The following SLITRK1 variants were observed in gnomAD, a reference collection of about 807,000 sequenced individuals.
SLITRK1 encodes the protein SLIT and NTRK like family member 1.
Under a neutral mutation model 42.4 loss-of-function variants are expected in SLITRK1, and 10 were observed. The ratio of observed to expected loss-of-function variants is 0.24; its 90% CI spans 0.15 to 0.40. SLITRK1 has a LOEUF of 0.40. Ranked by LOEUF, SLITRK1 falls within the 10% of genes least tolerant of loss-of-function variation. The pLI, the probability that SLITRK1 is intolerant of heterozygous loss-of-function variation, is 1.00. For missense variants in SLITRK1, 778 were observed against 848.8 expected (o/e 0.92, Z 1.04); for synonymous variants, 389 against 365.7 (o/e 1.06, Z -0.73).
In SLITRK1 at chr13:83,881,257, G is replaced by A. The variant is rs1442487048; in HGVS notation, c.251C>T (p.Ala84Val). 6.2e-7 allele frequency: 1 copy of A among 1,614,052 alleles called. No individual in the cohort carries two copies. Among genetic ancestry groups the A allele is most frequent in the Non-Finnish European group, 8.5e-7 (1 of 1,180,022 alleles). The change falls in exon 2 of 2, where the codon GCG (alanine) becomes GTG (valine). Residue 84 changes from alanine to valine, a missense_variant. Ala to Val is a moderately conservative substitution (Grantham distance 64). Transcript: ENST00000674365. ...FPNEFANFYN[A>V]VSLHMENNGL... Reference sequence around the variant, plus strand: ...ATTGTTTTCCATGTGCAAACTAACCGCATTATAAAAGTTAGCGAACTCATT... The same window carrying A: ...ATTGTTTTCCATGTGCAAACTAACCACATTATAAAAGTTAGCGAACTCATT...
In SLITRK1 at chr13:83,880,097, G is replaced by C. The variant is rs772193157; in HGVS notation, c.1411C>G (p.Pro471Ala). 1 of 1,613,992 alleles carries C rather than the reference G, an allele frequency of 6.2e-7. No homozygotes were observed. Among genetic ancestry groups the C allele is most frequent in the Non-Finnish European group, 8.5e-7 (1 of 1,179,988 alleles). Reference protein sequence around the residue: ...LILPGTFNAMPKLRILILNNN... With the variant: ...LILPGTFNAMAKLRILILNNN... ...TTGAGAATGAGGATCCTCAGTTTGG[G>C]CATGGCATTGAAAGTGCCCGGGAGG... is the stretch of plus-strand genomic sequence containing the variant. Residue 471 changes from proline to alanine, a missense_variant, in exon 2 of 2, where the codon CCC (proline) becomes GCC (alanine). By Grantham distance (27) the Pro-to-Ala change is conservative. This residue lies in a region of SLITRK1 where 395 missense variants were observed against 360.4 expected (regional missense o/e 1.10). Transcript: ENST00000674365.
Position 83,880,799 on chromosome 13 carries a change from C to T in SLITRK1, c.709G>A (p.Gly237Ser), listed in dbSNP as rs1233205975. Reference protein sequence around the residue: ...LENIPKNALIGRVVCEAPTRL... With the variant: ...LENIPKNALISRVVCEAPTRL... ...GTGGGGGCTTCGCAGACCACTCGGCCGATCAGGGCATTCTTGGGAATGTTT... is the reference window on the plus strand; with the variant it reads ...GTGGGGGCTTCGCAGACCACTCGGCTGATCAGGGCATTCTTGGGAATGTTT... Residue 237 changes from glycine to serine, a missense_variant, in exon 2 of 2, where the codon GGC (glycine) becomes AGC (serine). Coordinates refer to ENST00000674365, the MANE Select transcript of SLITRK1 (RefSeq NM_001281503.2). 1 of 1,614,020 alleles carries T rather than the reference C, an allele frequency of 6.2e-7. No homozygotes were observed. The highest frequency in any genetic ancestry group is 1.7e-5 in the Admixed American group (1 of 60,004).
chr13:83,879,042 C>A lies in SLITRK1; in HGVS notation c.*375G>T, dbSNP rs1884748100. ...AGGGGAAAAATAGATATCTATCTCTCTATATAGATGTGGATATATGTATAT... is the reference window on the plus strand; with the variant it reads ...AGGGGAAAAATAGATATCTATCTCTATATATAGATGTGGATATATGTATAT... On this transcript the variant is annotated 3_prime_UTR_variant, in exon 2 of 2. Transcript: ENST00000674365. The A allele has an allele frequency of 7.9e-6, 2 of 252,206 alleles. No individual in the cohort carries two copies. The highest frequency in any genetic ancestry group is 2.2e-5 in the African/African-American group (1 of 44,974). The allele number at this position is 252,206 out of a possible 1,614,324, so 15.6% of individuals were successfully genotyped here.
chr13:83,879,731 T>C lies in SLITRK1; in HGVS notation c.1777A>G (p.Ser593Gly), dbSNP rs1368546312. 2.5e-6 allele frequency: 4 copies of C among 1,613,918 alleles called. No homozygotes were observed. Among genetic ancestry groups the C allele is most frequent in the East Asian group, 2.2e-5 (1 of 44,880 alleles). The change falls in exon 2 of 2, where the codon AGT becomes GGT. Residue 593 changes from serine to glycine, a missense_variant. Transcript: ENST00000674365. The stretch of plus-strand genomic sequence containing the variant: ...TCCGCCAACCCAGTGCTGTTTTTAC[T>C]GTGCGAAGTTAACGTGGGCGAGATC... ...ARISPTLTSHSKNSTGLAETG... is the reference protein window; with the variant it reads ...ARISPTLTSHGKNSTGLAETG...
At position 83,879,376 on chromosome 13, in the gene SLITRK1, G is replaced by A. The variant is rs774654878; in HGVS notation, c.*41C>T. Reference sequence around the variant, plus strand: ...CGGGGTGCCTGCGGTGGGGAAGGATGTATCGCCTTCCCTCTGCCCTCCCCT... The same window carrying A: ...CGGGGTGCCTGCGGTGGGGAAGGATATATCGCCTTCCCTCTGCCCTCCCCT... On this transcript the variant is annotated 3_prime_UTR_variant, in exon 2 of 2. Transcript: ENST00000674365. 2.5e-6 allele frequency: 4 copies of A among 1,606,390 alleles called. No individual in the cohort carries two copies. The highest frequency in any genetic ancestry group is 3.3e-5 in the Admixed American group (2 of 59,966).
In SLITRK1 at chr13:83,880,576, A is replaced by T; in HGVS notation, c.932T>A (p.Ile311Asn). 1 of 1,614,036 alleles carries T rather than the reference A, an allele frequency of 6.2e-7. No homozygotes were observed. The highest frequency in any genetic ancestry group is 2.2e-5 in the East Asian group (1 of 44,844). Reference sequence around the variant, plus strand: ...GATTTTGATCTGCCAGTTGCCTGGGATCTTTGTACCTCCGTTTGGAGCAGA... The same window carrying T: ...GATTTTGATCTGCCAGTTGCCTGGGTTCTTTGTACCTCCGTTTGGAGCAGA... ...PGSAPNGGTK[I>N]PGNWQIKIRP... is the part of the protein sequence containing the mutation. The change falls in exon 2 of 2, where the codon ATC becomes AAC. Residue 311 changes from isoleucine to asparagine, a missense_variant. Coordinates refer to ENST00000674365, the MANE Select transcript of SLITRK1 (RefSeq NM_001281503.2).
chr13:83,877,553 T>C lies in SLITRK1; in HGVS notation c.*1864A>G, dbSNP rs1009379471. The C allele has an allele frequency of 6.6e-6, 1 of 152,124 alleles. No homozygotes were observed. Among genetic ancestry groups the C allele is most frequent in the Non-Finnish European group, 1.5e-5 (1 of 68,022 alleles). The allele number at this position is 152,124 out of a possible 1,614,324, so 9.4% of individuals were successfully genotyped here. A position where few individuals can be genotyped will look rare whatever the true frequency, so the allele number is the denominator to read the frequency against. On this transcript the variant is annotated 3_prime_UTR_variant, in exon 2 of 2. Coordinates refer to ENST00000674365, the MANE Select transcript of SLITRK1 (RefSeq NM_001281503.2). ...ACATTGGTTCATAAAATTCGAACAG[T>C]TGAAGCTGTTTTTGTTAATTGCTGG...
rs774658734 is a variant in SLITRK1, at chr13:83,882,236, C to G, written c.-286G>C. ...TCCATCCTTTTCCTTTCCTCCCCTT[C>G]GGTCCTCTTAAGGCTTTTTTTTTTC... On this transcript the variant is annotated 5_prime_UTR_variant, in exon 1 of 2. Transcript: ENST00000674365. 1.2e-5 allele frequency: 2 copies of G among 166,818 alleles called. No individual in the cohort carries two copies. Among genetic ancestry groups the G allele is most frequent in the Non-Finnish European group, 2.9e-5 (2 of 68,094 alleles). 10.3% of individuals were successfully genotyped at this position (166,818 alleles called of 1,614,324 possible).
chr13:83,879,701 C>T lies in SLITRK1; in HGVS notation c.1807G>A (p.Gly603Arg), dbSNP rs1199936878. ...SKNSTGLAET[G>R]THSNSYLDTS... ...TCTAGGTAGGAGTTGGAGTGCGTCC[C>T]GGTCTCCGCCAACCCAGTGCTGTTT... Residue 603 changes from glycine (G) to arginine (R), a missense_variant, in exon 2 of 2, where the codon GGG becomes AGG. Physicochemically the swap from Gly to Arg is moderately radical, Grantham distance 125. Transcript: ENST00000674365. 12 of 1,613,800 alleles carry T rather than the reference C, an allele frequency of 7.4e-6. No individual in the cohort carries two copies. The highest frequency in any genetic ancestry group is 1.0e-5 in the Non-Finnish European group (12 of 1,180,004).
chr13:83,880,532 C>A lies in SLITRK1; in HGVS notation c.976G>T (p.Ala326Ser). 6.2e-7 allele frequency: 1 copy of A among 1,614,184 alleles called. No individual in the cohort carries two copies. The highest frequency in any genetic ancestry group is 1.7e-5 in the Admixed American group (1 of 60,020). ...GGTTTGTTCCTGGAGCTACCCGTCG[C>A]TATCGCTGCTGTGGGTCTGATTTTG... ...QIKIRPTAAI[A>S]TGSSRNKPLA... The change falls in exon 2 of 2, where the codon GCG becomes TCG. Residue 326 changes from alanine (A) to serine (S), a missense_variant. Ala to Ser is a moderately conservative substitution (Grantham distance 99, BLOSUM62 1). This residue lies in a region of SLITRK1 where 395 missense variants were observed against 360.4 expected (regional missense o/e 1.10). Coordinates refer to ENST00000674365, the MANE Select transcript of SLITRK1 (RefSeq NM_001281503.2).
At position 83,880,533 on chromosome 13, in the gene SLITRK1, T is replaced by C. The variant is rs757585787; in HGVS notation, c.975A>G (p.Ile325Met). 4 of 1,614,056 alleles carry C rather than the reference T, an allele frequency of 2.5e-6. No individual in the cohort carries two copies. In the East Asian group the frequency reaches 8.9e-5, roughly 36 times the overall value. Reference sequence around the variant, plus strand: ...GTTTGTTCCTGGAGCTACCCGTCGCTATCGCTGCTGTGGGTCTGATTTTGA... The same window carrying C: ...GTTTGTTCCTGGAGCTACCCGTCGCCATCGCTGCTGTGGGTCTGATTTTGA... ...WQIKIRPTAA[I>M]ATGSSRNKPL... Residue 325 changes from isoleucine (I) to methionine (M), a missense_variant, in exon 2 of 2, where the codon ATA becomes ATG. By Grantham distance (10) the Ile-to-Met change is conservative (BLOSUM62 1). Transcript: ENST00000674365.
chr13:83,879,577 C>T lies in SLITRK1; in HGVS notation c.1931G>A (p.Arg644Lys). 1 of 1,614,038 alleles carries T rather than the reference C, an allele frequency of 6.2e-7. No individual in the cohort carries two copies. Among genetic ancestry groups the T allele is most frequent in the Non-Finnish European group, 8.5e-7 (1 of 1,180,026 alleles). Residue 644 changes from arginine to lysine, a missense_variant, in exon 2 of 2, where the codon AGG (arginine) becomes AAG (lysine). This residue lies in a region of SLITRK1 where 164 missense variants were observed against 158.2 expected (regional missense o/e 1.04). Coordinates refer to ENST00000674365, the MANE Select transcript of SLITRK1 (RefSeq NM_001281503.2). ...TCGTCTCTTGGACCGCTTTCGGTTC[C>T]TCAGGATAAACACGAGCATGCCCAC... ...TVVGMLVFILRNRKRSKRRDA... is the reference protein window; with the variant it reads ...TVVGMLVFILKNRKRSKRRDA...
rs1327763539 is a variant in SLITRK1 at position 83,881,229 on chromosome 13, G to A, written c.279C>T (p.Gly93=). The change falls in exon 2 of 2, where the codon GGC becomes GGT. Residue 93 remains glycine (G), a synonymous_variant. Transcript: ENST00000674365. ...AAGCCCCCGGAACGATTTCATGCAA[G>A]CCATTGTTTTCCATGTGCAAACTAA... The part of the protein sequence containing the change: ...NAVSLHMENN[G]LHEIVPGAFL... 13 of 1,614,038 alleles carry A rather than the reference G, an allele frequency of 8.1e-6. No individual in the cohort carries two copies. In the Admixed American group the frequency reaches 2.0e-4, roughly 25 times the overall value.
chr13:83,880,382 T>C lies in SLITRK1; in HGVS notation c.1126A>G (p.Asn376Asp), dbSNP rs1310889852. Residue 376 changes from asparagine to aspartate, a missense_variant, in exon 2 of 2, where the codon AAC (asparagine) becomes GAC (aspartate). Physicochemically the swap from Asn to Asp is conservative, Grantham distance 23. This residue lies in a region of SLITRK1 where 395 missense variants were observed against 360.4 expected (regional missense o/e 1.10). Transcript: ENST00000674365. ...SLADLKPKLS[N>D]VQELFLRDNK... ...TCTCGTAGGAAAAGCTCCTGCACGT[T>C]AGAGAGCTTGGGCTTCAAATCAGCC... 10 of 1,613,784 alleles carry C rather than the reference T, an allele frequency of 6.2e-6. No homozygotes were observed. Among genetic ancestry groups the C allele is most frequent in the Non-Finnish European group, 8.5e-6 (10 of 1,180,016 alleles).
chr13:83,881,838 A>G, intron 1 of SLITRK1, 166 bp downstream of exon 1: 1 of 281,608 alleles, frequency 3.6e-6, no homozygotes, highest in South Asian at 6.1e-5. Context: ...AAATATATAC[A>G]TATAAATTAA....
chr13:83,879,324 G>A lies in SLITRK1; in HGVS notation c.*93C>T, dbSNP rs148428027. 2 of 1,516,320 alleles carry A rather than the reference G, an allele frequency of 1.3e-6. No individual in the cohort carries two copies. The highest frequency in any genetic ancestry group is 1.8e-6 in the Non-Finnish European group (2 of 1,110,328). 93.9% of individuals were successfully genotyped at this position (1,516,320 alleles called of 1,614,324 possible). On this transcript the variant is annotated 3_prime_UTR_variant, in exon 2 of 2. Coordinates refer to ENST00000674365, the MANE Select transcript of SLITRK1 (RefSeq NM_001281503.2). ...TGCCCATCCAGGCTGATGGCGCGGG[G>A]ATTTGGGTACACGCCCCTCCAGCCC...
Position 83,881,162 on chromosome 13 carries a change from T to C in SLITRK1, c.346A>G (p.Asn116Asp). Residue 116 changes from asparagine to aspartate, a missense_variant, in exon 2 of 2, where the codon AAC (asparagine) becomes GAC (aspartate). Around this residue, in one of 4 missense-constraint regions of SLITRK1, gnomAD observed 204 missense variants for 295.3 expected, o/e 0.69. Coordinates refer to ENST00000674365, the MANE Select transcript of SLITRK1 (RefSeq NM_001281503.2). The part of the protein sequence containing the change: ...QLVKRLHINN[N>D]KIKSFRKQTF... ...TGCTTTCGAAAAGACTTGATCTTGT[T>C]GTTGTTGATGTGCAGCCTTTTCACC... The C allele has an allele frequency of 6.2e-7, 1 of 1,614,076 alleles. No homozygotes were observed. Among genetic ancestry groups the C allele is most frequent in the Non-Finnish European group, 8.5e-7 (1 of 1,180,018 alleles).
rs1566298164 is a variant in SLITRK1 at position 83,879,471 on chromosome 13, G to T, written c.2037C>A (p.Asn679Lys). ...CATACACTCTGTGGGCCCCATCTGC[G>T]TTGTAAGGCCCATTGTGCCAGTAGG... ...DSSYWHNGPY[N>K]ADGAHRVYDC... The change falls in exon 2 of 2, where the codon AAC becomes AAA. Residue 679 changes from asparagine (N) to lysine (K), a missense_variant. Coordinates refer to ENST00000674365, the MANE Select transcript of SLITRK1 (RefSeq NM_001281503.2). The T allele has an allele frequency of 6.2e-7, 1 of 1,613,848 alleles. No homozygotes were observed.
chr13:83,879,285 T>G lies in SLITRK1; in HGVS notation c.*132A>C. ...CCTTTCGGTTGTGCGAGCTCACAGT[T>G]ATTTATCTACTTATGCCCATCCAGG... On this transcript the variant is annotated 3_prime_UTR_variant, in exon 2 of 2. Transcript: ENST00000674365. 8.9e-7 allele frequency: 1 copy of G among 1,119,426 alleles called. No homozygotes were observed. The highest frequency in any genetic ancestry group is 1.3e-6 in the Non-Finnish European group (1 of 769,252). The allele number at this position is 1,119,426 out of a possible 1,614,324, so 69.3% of individuals were successfully genotyped here. A position where few individuals can be genotyped will look rare whatever the true frequency, so the allele number is the denominator to read the frequency against.
Sources: gnomAD v4.1 joint callset for allele counts on GRCh38, gnomAD v4.1.1 for gene constraint, gnomAD v4.1.1 regional missense constraint, MANE v1.5 for transcripts, NCBI Gene and HGNC (gene_info 2026-07-23, HGNC 2026-07-21) for gene names.